The following THSD7B variants were observed in gnomAD, a reference collection of about 807,000 sequenced individuals.
The protein encoded by THSD7B is thrombospondin type-1 domain-containing protein 7B.
In THSD7B, 138 loss-of-function variants were observed where a neutral mutation model predicts 213.6. That is an observed-to-expected ratio of 0.65 (90% CI 0.56 to 0.74). The LOEUF is 0.74. Ranked by LOEUF, THSD7B falls within the 30% of genes least tolerant of loss-of-function variation. The probability of loss-of-function intolerance (pLI) is 0.00; values close to 1 mark genes in which losing one functional copy is unlikely to be tolerated. For synonymous variants in THSD7B, 742 were observed against 687.0 expected (o/e 1.08, Z -1.25); for missense variants, 1,931 against 1,991.5 (o/e 0.97, Z 0.58).
intron 14 of THSD7B, among the ~76,000 whole-genome samples, chr2:137,429,460 C>T (rs1404010542): frequency 6.6e-6 from 1 of 152,084 alleles, no homozygotes; most frequent in Admixed American, 6.6e-5. Context: ...TGTATATGCA[C>T]ACTATACACA....
intron 1 of THSD7B, among the ~76,000 whole-genome samples, chr2:136,846,826 C>T (rs920522318): frequency 1.2e-4 from 19 of 152,022 alleles, no homozygotes; most frequent in African/African-American, 4.6e-4. Context: ...GATTTACTAG[C>T]AACTCTATTT....
chr2:136,872,717 G>C (rs1317895216), intron 1 of THSD7B, among the ~76,000 whole-genome samples: 1 of 139,276 alleles, frequency 7.2e-6, no homozygotes, highest in Non-Finnish European at 1.5e-5. Context: ...AGTTTTAGAA[G>C]AAAAGGAGAT....
intron 2 of THSD7B, among the ~76,000 whole-genome samples, chr2:137,000,017 C>T (rs1455869516): frequency 6.6e-6 from 1 of 152,148 alleles, no homozygotes; most frequent in African/African-American, 2.4e-5. Context: ...GACAAATTAA[C>T]ACTTCCCGTC....
intron 15 of THSD7B, among the ~76,000 whole-genome samples, chr2:137,544,956 T>C (rs1008298736): frequency 6.6e-6 from 1 of 151,818 alleles, no homozygotes; most frequent in Admixed American, 6.6e-5. Flanking sequence ...TAGCTGTTAG[T>C]GATTGGGCAT....
chr2:136,921,601 C>G (rs1684440007), intron 2 of THSD7B, among the ~76,000 whole-genome samples: 1 of 152,096 alleles, frequency 6.6e-6, no homozygotes, highest in African/African-American at 2.4e-5. Context: ...GACAGTACTG[C>G]CTTAAGGATG....
intron 1 of THSD7B, among the ~76,000 whole-genome samples, chr2:136,794,057 C>T (rs1682016654): frequency 6.6e-6 from 1 of 150,882 alleles, no homozygotes. Context: ...TTATCTGTTT[C>T]CGTGTGGTGA....
At chr2:137,401,121 G>A (rs1686345927) in intron 12 of THSD7B, among the ~76,000 whole-genome samples, 1 of 152,134 alleles carries the variant, frequency 6.6e-6, no homozygotes, top group Non-Finnish European at 1.5e-5. Flanking sequence ...CCTCAGAAAT[G>A]TTCTCTGATT....
chr2:136,773,405 G>A (rs1322677256), intron 1 of THSD7B, among the ~76,000 whole-genome samples: 1 of 152,040 alleles, frequency 6.6e-6, no homozygotes, highest in African/African-American at 2.4e-5. Flanking sequence ...AATTGAACAA[G>A]AGCCACAAAT....
At chr2:137,585,719 TC>T (rs1681708792) in intron 17 of THSD7B, among the ~76,000 whole-genome samples, 1 of 152,212 alleles carries the variant, frequency 6.6e-6, no homozygotes, top group African/African-American at 2.4e-5. Flanking sequence ...TGTTATAATA[TC>T]TGTTCTTTTA....
intron 12 of THSD7B, among the ~76,000 whole-genome samples, chr2:137,338,619 C>A (rs1182125466): frequency 6.6e-6 from 1 of 151,918 alleles, no homozygotes; most frequent in African/African-American, 2.4e-5. Context: ...AAATTAAATG[C>A]AACAAAGTTT....
chr2:137,448,621 C>A (rs1687588044), intron 14 of THSD7B, among the ~76,000 whole-genome samples: 2 of 152,082 alleles, frequency 1.3e-5, no homozygotes, highest in South Asian at 4.1e-4. Context: ...CACGGTGAAA[C>A]CCCATCTCTA....
At chr2:137,345,502 A>T (rs1684858082) in intron 12 of THSD7B, among the ~76,000 whole-genome samples, 2 of 151,734 alleles carry the variant, frequency 1.3e-5, no homozygotes, top group African/African-American at 2.4e-5. Flanking sequence ...GAATTGAAAG[A>T]TGTGCTTCAG....
chr2:137,588,097 A>G (rs1573728204), intron 17 of THSD7B, among the ~76,000 whole-genome samples: 2 of 152,178 alleles, frequency 1.3e-5, no homozygotes, highest in African/African-American at 4.8e-5. Flanking sequence ...TGTGCTAGCA[A>G]TGAGTGAGGC....
At chr2:137,159,248 A>G (rs1298614502) in intron 5 of THSD7B, among the ~76,000 whole-genome samples, 2 of 151,998 alleles carry the variant, frequency 1.3e-5, no homozygotes, top group African/African-American at 4.8e-5. Context: ...CCTAGGGAAC[A>G]TAGGGAGACC....
chr2:136,816,271 C>T (rs377602605), intron 1 of THSD7B, among the ~76,000 whole-genome samples: 27 of 152,250 alleles, frequency 1.8e-4, no homozygotes, highest in African/African-American at 6.0e-4. Flanking sequence ...TCAGCTATTA[C>T]GTAAAGGAGT....
chr2:137,585,704 C>G (rs191699647), intron 17 of THSD7B, among the ~76,000 whole-genome samples: 1 of 152,188 alleles, frequency 6.6e-6, no homozygotes, highest in Admixed American at 6.5e-5. Flanking sequence ...GTCTGAGAGA[C>G]AGTTTGTTAT....
chr2:136,774,598 C>T (rs555135495), intron 1 of THSD7B, among the ~76,000 whole-genome samples: 2 of 152,066 alleles, frequency 1.3e-5, no homozygotes, highest in South Asian at 2.1e-4. Flanking sequence ...TTCCAAGTCT[C>T]TTTTGGTGGG....
At chr2:137,157,550 T>C (rs1166330095) in intron 5 of THSD7B, among the ~76,000 whole-genome samples, 1 of 152,156 alleles carries the variant, frequency 6.6e-6, no homozygotes, top group Non-Finnish European at 1.5e-5. Flanking sequence ...ACTGTATCAG[T>C]CCAAGGCCAC....
intron 1 of THSD7B, among the ~76,000 whole-genome samples, chr2:136,806,915 G>A (rs1038370975): frequency 2.6e-5 from 4 of 152,198 alleles, no homozygotes; most frequent in Admixed American, 2.6e-4. Flanking sequence ...CATAGTCAGG[G>A]ATTTTGTAGA....
Sources: gnomAD v4.1 joint callset for allele counts (sites outside exome capture counted in the v4.1 genomes callset) on GRCh38, gnomAD v4.1.1 for gene constraint, MANE v1.5 for transcripts, NCBI Gene and HGNC (gene_info 2026-07-23, HGNC 2026-07-21) for gene names.